Variants in PDE8B observed in about 807,000 individuals in gnomAD.
The protein encoded by PDE8B is high affinity cAMP-specific and IBMX-insensitive 3',5'-cyclic phosphodiesterase 8B.
PDE8B carries 26 observed loss-of-function variants against 101.3 expected under a neutral mutation model. That is an observed-to-expected ratio of 0.26 (90% CI 0.19 to 0.36). The LOEUF (loss-of-function observed/expected upper bound fraction) is 0.36, where lower values mean the gene tolerates loss of function less well. Among genes scored for constraint, PDE8B ranks in the 10% least tolerant of loss-of-function variants. The pLI is 1.00. For synonymous variants in PDE8B, 424 were observed against 429.3 expected, an observed-to-expected ratio of 0.99 and a Z score of 0.15; for missense variants, 810 against 1,163.1, an observed-to-expected ratio of 0.70 and a Z score of 4.42.
intron 10 of PDE8B, among the ~76,000 whole-genome samples, chr5:77,371,549 T>C (rs970922182): frequency 6.6e-6 from 1 of 152,210 alleles, no homozygotes; most frequent in African/African-American, 2.4e-5. Flanking sequence ...AACTTAACAT[T>C]GCATGATTTG....
intron 2 of PDE8B, among the ~76,000 whole-genome samples, chr5:77,315,144 G>A (rs1007057420): frequency 6.6e-6 from 1 of 151,872 alleles, no homozygotes; most frequent in Non-Finnish European, 1.5e-5. Context: ...CATAACTCTG[G>A]CTTTTGAACA....
At chr5:77,134,145 A>G in the PDE8B span, among the ~76,000 whole-genome samples, 4 of 152,210 alleles carry the variant, frequency 2.6e-5, no homozygotes, top group African/African-American at 9.7e-5. Context: ...ATACTGTATC[A>G]CCTAGATGGA....
At chr5:77,252,558 A>C (rs999402445) in intron 1 of PDE8B, among the ~76,000 whole-genome samples, 2 of 152,172 alleles carry the variant, frequency 1.3e-5, no homozygotes, top group Non-Finnish European at 2.9e-5. Context: ...GAAGTTCCCC[A>C]TTCTGACTTT....
chr5:77,282,769 T>C (rs1461003333), intron 1 of PDE8B, among the ~76,000 whole-genome samples: 1 of 152,048 alleles, frequency 6.6e-6, no homozygotes, highest in East Asian at 1.9e-4. Context: ...AATCTAGAAC[T>C]CTCTGTAGTG....
intron 1 of PDE8B, among the ~76,000 whole-genome samples, chr5:77,285,236 G>A (rs1245388139): frequency 6.6e-6 from 1 of 152,070 alleles, no homozygotes; most frequent in East Asian, 1.9e-4. Flanking sequence ...AGTATTTTAT[G>A]TTCACCTAGA....
intron 6 of PDE8B, among the ~76,000 whole-genome samples, chr5:77,340,600 AGTGTGTGTGTGTGTGTGT>A (rs34764404): frequency 5.7e-5 from 8 of 140,078 alleles, no homozygotes; most frequent in South Asian, 2.5e-4. Flanking sequence ...GCAGCCTCAC[AGTGTGTGTGTGTGTGTGT>A]GTGTGTGTGT....
chr5:77,337,819 T>C (rs1410754355), intron 6 of PDE8B, among the ~76,000 whole-genome samples: 1 of 152,168 alleles, frequency 6.6e-6, no homozygotes, highest in Non-Finnish European at 1.5e-5. Flanking sequence ...TTTACAAGCA[T>C]ATAGTGTTTT....
chr5:77,322,555 A>C (rs10074631), intron 2 of PDE8B, among the ~76,000 whole-genome samples: 2,242 of 152,158 alleles, frequency 0.015, 25 homozygotes, highest in Non-Finnish European at 0.024. Context: ...GCTCCCTTGC[A>C]GTCCTTAGAA....
chr5:77,169,818 T>TG, the PDE8B span, among the ~76,000 whole-genome samples: 1 of 152,142 alleles, frequency 6.6e-6, no homozygotes, highest in Non-Finnish European at 1.5e-5. Context: ...TACTGCAGCT[T>TG]GGGATAATCA....
chr5:77,267,114 T>C (rs1287242913), intron 1 of PDE8B, among the ~76,000 whole-genome samples: 2 of 152,074 alleles, frequency 1.3e-5, no homozygotes, highest in Non-Finnish European at 2.9e-5. Context: ...ATTCACCACT[T>C]CTTACTTCCT....
chr5:77,174,693 TCCTCCG>T, the PDE8B span, among the ~76,000 whole-genome samples: 2 of 152,178 alleles, frequency 1.3e-5, no homozygotes, highest in Admixed American at 1.3e-4. Context: ...TGCTGGTATC[TCCTCCG>T]CTGCGTGACC....
intron 1 of PDE8B, among the ~76,000 whole-genome samples, chr5:77,296,449 A>G (rs900195386): frequency 6.6e-6 from 1 of 151,990 alleles, no homozygotes; most frequent in African/African-American, 2.4e-5. Context: ...TTTTGGTAGA[A>G]ATAGTGTCTC....
the PDE8B span, among the ~76,000 whole-genome samples, chr5:77,160,445 T>C: frequency 6.6e-6 from 1 of 152,066 alleles, no homozygotes; most frequent in African/African-American, 2.4e-5. Flanking sequence ...TTGGAAAAAA[T>C]CCACGTGTAA....
At chr5:77,360,579 G>A (rs148901368) in intron 10 of PDE8B, among the ~76,000 whole-genome samples, 15 of 152,316 alleles carry the variant, frequency 9.8e-5, no homozygotes, top group African/African-American at 3.4e-4. Context: ...GAGCATGCAT[G>A]CCTGCTGGCA....
At chr5:77,256,225 C>T (rs1012371329) in intron 1 of PDE8B, among the ~76,000 whole-genome samples, 4 of 152,216 alleles carry the variant, frequency 2.6e-5, no homozygotes, top group African/African-American at 4.8e-5. Context: ...TCCACTCCCT[C>T]TCAAAGTGAC....
intron 1 of PDE8B, among the ~76,000 whole-genome samples, chr5:77,284,576 T>C (rs925899516): frequency 6.6e-6 from 1 of 152,214 alleles, no homozygotes; most frequent in African/African-American, 2.4e-5. Flanking sequence ...AACACATTCA[T>C]AACTATCACA....
chr5:77,237,758 GA>G (rs1482099706), intron 1 of PDE8B, among the ~76,000 whole-genome samples: 1 of 152,032 alleles, frequency 6.6e-6, no homozygotes, highest in Non-Finnish European at 1.5e-5. Flanking sequence ...CTTTTCTTTA[GA>G]ATTCTTTTAG....
the PDE8B span, among the ~76,000 whole-genome samples, chr5:77,189,336 G>A: frequency 6.6e-6 from 1 of 152,196 alleles, no homozygotes; most frequent in African/African-American, 2.4e-5. Flanking sequence ...GGAAAGGAGA[G>A]GAGGAGAAGG....
rs540262736 is a variant in PDE8B, at chr5:77,353,314, T to G, written c.1107-32T>G. 26 of 1,156,804 alleles carry G rather than the reference T, an allele frequency of 2.2e-5. No individual in the cohort carries two copies. In the South Asian group the frequency reaches 2.9e-4, roughly 13 times the overall value. The allele number at this position is 1,156,804 out of a possible 1,614,324, so 71.7% of individuals were successfully genotyped here. On this transcript the variant is annotated intron_variant, in intron 9 of 21. Coordinates refer to ENST00000264917, the MANE Select transcript of PDE8B (RefSeq NM_003719.5). ...CTGATTTGTTGAATCATCTCATATC[T>G]GACTCACTAATAACTGATTATTTGT...
Sources: allele counts gnomAD v4.1 joint callset (sites outside exome capture counted in the v4.1 genomes callset), GRCh38; gene constraint gnomAD v4.1.1; transcripts MANE v1.5; gene names NCBI Gene and HGNC (gene_info 2026-07-23, HGNC 2026-07-21).